Variants in CSMD1 observed in about 807,000 individuals in gnomAD.
CSMD1 encodes the protein CUB and Sushi multiple domains 1, also known as CUB and sushi domain-containing protein 1.
In CSMD1, 213 loss-of-function variants were observed where a neutral mutation model predicts 417.5. The ratio of observed to expected loss-of-function variants is 0.51; its 90% confidence interval spans 0.46 to 0.57. The LOEUF is 0.57. CSMD1 is among the 20% of genes least tolerant of loss of function. The pLI is 0.00. For missense variants in CSMD1, 6,923 were observed against 4,529.7 expected (o/e 1.53, Z -15.17); for synonymous variants, 2,862 against 1,736.8 (o/e 1.65, Z -16.11).
rs570427733 is a variant in CSMD1, at chr8:2,974,637, G to T, written c.8567-13C>A. 168 of 1,562,798 alleles carry T rather than the reference G, an allele frequency of 1.1e-4. 3 individuals are homozygous for T. The South Asian group carries it at 1.8e-3, about 17-fold the overall frequency. ...CCACACGATATAGCTTCAGAAAAAA[G>T]ATAAAACAATTGAGTACATCCTTCC... On this transcript the variant is annotated splice_polypyrimidine_tract_variant and intron_variant, in intron 55 of 69. Transcript: ENST00000635120.
At chr8:3,367,279 G>C (rs755113706) in intron 19 of CSMD1, 32 bp from the exon 20 acceptor site, 255 of 1,442,690 alleles carry the variant, frequency 1.8e-4, no homozygotes, top group Non-Finnish European at 2.2e-4. Context: ...GAGAGAGAGA[G>C]ACAGAGAGAG....
chr8:4,723,626 G>A (rs762256221), intron 1 of CSMD1, among the ~76,000 whole-genome samples: 44 of 152,116 alleles, frequency 2.9e-4, no homozygotes, highest in Non-Finnish European at 5.3e-4. Flanking sequence ...ATAATTAGCA[G>A]TTTGTTTAGC....
intron 2 of CSMD1, among the ~76,000 whole-genome samples, chr8:4,519,315 G>T (rs1022134219): frequency 6.6e-6 from 1 of 151,810 alleles, no homozygotes. Flanking sequence ...TAAATGCATG[G>T]ATGAATGAAC....
intron 3 of CSMD1, among the ~76,000 whole-genome samples, chr8:4,341,574 T>C (rs1242906941): frequency 1.3e-5 from 2 of 152,100 alleles, no homozygotes; most frequent in African/African-American, 2.4e-5. Context: ...TGAGAAGAAA[T>C]ACTAACGTTC....
rs188429956 is a variant in CSMD1, at chr8:3,663,365, A to G, written c.1009+45049T>C. ...TTTGGAACATGGCAAGTTTGACTTT[A>G]TAAAGGGGCACTTCTGTAAATTTCC... On this transcript the variant is annotated intron_variant, in intron 7 of 69. Coordinates refer to ENST00000635120, the MANE Select transcript of CSMD1 (RefSeq NM_033225.6). 2.8e-3 allele frequency among the ~76,000 whole-genome samples: 432 copies of G among 152,260 alleles called. 1 individual carries two copies. Among genetic ancestry groups the G allele is most frequent in the African/African-American group, 1.0e-2 (414 of 41,540 alleles).
At chr8:4,899,065 AG>A (rs1437885828) in intron 1 of CSMD1, among the ~76,000 whole-genome samples, 1 of 152,210 alleles carries the variant, frequency 6.6e-6, no homozygotes, top group Non-Finnish European at 1.5e-5. Context: ...TTTAAAATGT[AG>A]CCCTATCCTG....
intron 5 of CSMD1, among the ~76,000 whole-genome samples, chr8:3,796,289 G>GATATAGAT (rs752078697): frequency 1.3e-4 from 6 of 46,048 alleles, no homozygotes; most frequent in African/African-American, 3.4e-4. Flanking sequence ...ATCATGTATA[G>GATATAGAT]ATATATCTAT....
At chr8:3,734,542 C>G (rs1381590811) in intron 6 of CSMD1, among the ~76,000 whole-genome samples, 1 of 152,154 alleles carries the variant, frequency 6.6e-6, no homozygotes, top group Non-Finnish European at 1.5e-5. Context: ...GAAACCCTGT[C>G]TCTACTAAAA....
At chr8:3,740,476 C>T (rs571707348) in intron 6 of CSMD1, among the ~76,000 whole-genome samples, 89 of 152,274 alleles carry the variant, frequency 5.8e-4, no homozygotes, top group African/African-American at 2.1e-3. Flanking sequence ...AAGTGGGAGC[C>T]ATCCTTCTGC....
At chr8:4,383,036 G>A (rs1041358493) in intron 3 of CSMD1, among the ~76,000 whole-genome samples, 1 of 152,174 alleles carries the variant, frequency 6.6e-6, no homozygotes, top group Non-Finnish European at 1.5e-5. Context: ...GAATATTCTG[G>A]TCTCTGTCAG....
intron 1 of CSMD1, among the ~76,000 whole-genome samples, chr8:4,886,605 G>C (rs11136788): frequency 0.81 from 123,629 of 151,836 alleles, 51,387 homozygotes; most frequent in East Asian, 0.96. Flanking sequence ...ATATAATTCA[G>C]CAGTAAAACT....
chr8:3,027,461 C>T (rs1348637343), intron 51 of CSMD1, among the ~76,000 whole-genome samples: 2 of 152,166 alleles, frequency 1.3e-5, no homozygotes, highest in South Asian at 2.1e-4. Flanking sequence ...AGGGACTCCC[C>T]GGCCAAAGTG....
chr8:3,305,397 C>A (rs1563250743), intron 25 of CSMD1, among the ~76,000 whole-genome samples: 1 of 151,772 alleles, frequency 6.6e-6, no homozygotes, highest in African/African-American at 2.4e-5. Flanking sequence ...AATTTAATTG[C>A]CATTGTAGCC....
chr8:3,079,278 C>T (rs1162831186), intron 49 of CSMD1, among the ~76,000 whole-genome samples: 1 of 152,174 alleles, frequency 6.6e-6, no homozygotes, highest in African/African-American at 2.4e-5. Flanking sequence ...TACAATCTGG[C>T]TGACATAATG....
intron 3 of CSMD1, among the ~76,000 whole-genome samples, chr8:4,048,240 G>A (rs540238585): frequency 6.6e-6 from 1 of 152,184 alleles, no homozygotes; most frequent in African/African-American, 2.4e-5. Context: ...TAGTCACTGA[G>A]ATTAGAATGA....
At chr8:3,036,969 T>C (rs1036205914) in intron 50 of CSMD1, among the ~76,000 whole-genome samples, 2 of 152,124 alleles carry the variant, frequency 1.3e-5, no homozygotes, top group East Asian at 3.9e-4. Context: ...CCCTCACCCA[T>C]CTTCCTATCT....
intron 7 of CSMD1, among the ~76,000 whole-genome samples, chr8:3,652,865 G>A (rs896366104): frequency 6.6e-6 from 1 of 152,148 alleles, no homozygotes; most frequent in Non-Finnish European, 1.5e-5. Context: ...AGAACAGAGG[G>A]TGCACACAGT....
intron 12 of CSMD1, among the ~76,000 whole-genome samples, chr8:3,458,744 T>A: frequency 6.6e-6 from 1 of 152,196 alleles, no homozygotes. Flanking sequence ...TAAATGGCTC[T>A]TAATATCTTT....
At chr8:4,468,032 G>C (rs1800294581) in intron 2 of CSMD1, among the ~76,000 whole-genome samples, 1 of 151,066 alleles carries the variant, frequency 6.6e-6, no homozygotes, top group African/African-American at 2.5e-5. Flanking sequence ...TCTCACATGG[G>C]TTACTCAACA....
Sources: allele counts gnomAD v4.1 joint callset (sites outside exome capture counted in the v4.1 genomes callset), GRCh38; gene constraint gnomAD v4.1.1; transcripts MANE v1.5; gene names NCBI Gene and HGNC (gene_info 2026-07-23, HGNC 2026-07-21).